Variants in FRYL observed in about 807,000 individuals in gnomAD.
FRYL encodes the protein protein furry homolog-like.
FRYL carries 150 observed loss-of-function variants against 351.2 expected under a neutral mutation model. The observed-to-expected ratio is 0.43, with a 90% CI of 0.37 to 0.49. The LOEUF is 0.49. FRYL is among the 20% of genes least tolerant of loss of function. The pLI, the probability that FRYL is intolerant of heterozygous loss-of-function variation, is 0.00. For missense variants in FRYL, 3,036 were observed against 3,619.3 expected (o/e 0.84, Z 4.13); for synonymous variants, 1,153 against 1,257.1 (o/e 0.92, Z 1.75).
chr4:48,589,754 T>A lies in FRYL; in HGVS notation c.1631A>T (p.Asp544Val). The change falls in exon 18 of 64, where the codon GAC (aspartate) becomes GTC (valine). Residue 544 changes from aspartate to valine, a missense_variant. This residue lies in a region of FRYL where 78 missense variants were observed against 106.6 expected (regional missense o/e 0.73). Transcript: ENST00000358350. ...ATAATTTACTACATACGTAATCATG[T>A]CTTCAGGCTCCTTATTAGACATCTG... ...SVQMSNKEPE[D>V]MITGERKPKI... 6.2e-7 allele frequency: 1 copy of A among 1,612,926 alleles called. No homozygotes were observed. The highest frequency in any genetic ancestry group is 1.1e-5 in the South Asian group (1 of 90,660).
chr4:48,654,308 A>AC (rs1375220125), intron 3 of FRYL, among the ~76,000 whole-genome samples: 4 of 151,498 alleles, frequency 2.6e-5, no homozygotes, highest in South Asian at 2.1e-4. Flanking sequence ...CAAAAAAAAA[A>AC]AAAAAACAAA....
intron 53 of FRYL, among the ~76,000 whole-genome samples, chr4:48,527,019 T>C (rs1476849862): frequency 6.6e-6 from 1 of 152,172 alleles, no homozygotes; most frequent in Non-Finnish European, 1.5e-5. Context: ...GTAGTATATG[T>C]ATATGTACAT....
chr4:48,593,157 A>G (rs532086569), intron 16 of FRYL, among the ~76,000 whole-genome samples: 5 of 151,928 alleles, frequency 3.3e-5, no homozygotes, highest in African/African-American at 7.2e-5. Context: ...TGTTTTTTCT[A>G]TAACACCTAG....
chr4:48,592,082 T>TTATATTTATATATATATATATATATATA (rs1743416801), intron 16 of FRYL, among the ~76,000 whole-genome samples: 1 of 116,178 alleles, frequency 8.6e-6, no homozygotes, highest in Non-Finnish European at 1.7e-5. Flanking sequence ...AATAAAGCTC[T>TTATATTTATATATATATATATATATATA]TATATATATA....
Position 48,523,070 on chromosome 4 carries a change from C to A in FRYL, c.7352G>T (p.Arg2451Leu), listed in dbSNP as rs752324903. ...ESMDNFNWGV[R>L]RRSLDSIDKG... Reference sequence around the variant, plus strand: ...GTCAATACTGTCCAGTGAGCGCCTGCGAACTCCCCAGTTGAAATTGTCCAT... The same window carrying A: ...GTCAATACTGTCCAGTGAGCGCCTGAGAACTCCCCAGTTGAAATTGTCCAT... The change falls in exon 54 of 64, where the codon CGC becomes CTC. Residue 2451 changes from arginine to leucine, a missense_variant. Transcript: ENST00000358350. 11 of 1,613,648 alleles carry A rather than the reference C, an allele frequency of 6.8e-6. No homozygotes were observed. Among genetic ancestry groups the A allele is most frequent in the Non-Finnish European group, 9.3e-6 (11 of 1,179,836 alleles).
chr4:48,753,258 A>G (rs1446232853), intron 1 of FRYL, among the ~76,000 whole-genome samples: 1 of 152,212 alleles, frequency 6.6e-6, no homozygotes. Flanking sequence ...CAATATAAAA[A>G]TAAAGCACCA....
At chr4:48,529,784 C>T (rs1277572069) in intron 50 of FRYL, among the ~76,000 whole-genome samples, 1 of 152,172 alleles carries the variant, frequency 6.6e-6, no homozygotes, top group Non-Finnish European at 1.5e-5. Context: ...GGCACCAAGG[C>T]ACCAAGAGTG....
At chr4:48,768,361 G>A (rs544025095) in intron 1 of FRYL, among the ~76,000 whole-genome samples, 1 of 152,294 alleles carries the variant, frequency 6.6e-6, no homozygotes, top group South Asian at 2.1e-4. Flanking sequence ...TCGTAGCACT[G>A]GCAGTTGCTC....
Position 48,557,421 on chromosome 4 carries a change from T to G in FRYL, c.4125+32A>C, listed in dbSNP as rs755419567. On this transcript the variant is annotated intron_variant, in intron 34 of 63. Transcript: ENST00000358350. ...CACATCTACTCACTCAATAATTCTG[T>G]GCAGCAATTATAAATACAAAACTCA... The G allele has an allele frequency of 3.1e-6, 5 of 1,610,390 alleles. 1 individual carries two copies. The South Asian group carries it at 4.4e-5, about 14-fold the overall frequency.
intron 53 of FRYL, among the ~76,000 whole-genome samples, chr4:48,524,123 A>AT (rs921289219): frequency 1.5e-4 from 22 of 147,288 alleles, no homozygotes; most frequent in South Asian, 6.5e-4. Context: ...CCAAAATATG[A>AT]TTTTTTTTTT....
chr4:48,732,480 T>C (rs1454579993), intron 1 of FRYL, among the ~76,000 whole-genome samples: 5 of 152,126 alleles, frequency 3.3e-5, no homozygotes, highest in Non-Finnish European at 5.9e-5. Context: ...TGCACACATA[T>C]GTTTACTGCA....
chr4:48,606,744 C>T, intron 9 of FRYL, 138 bp from the exon 10 acceptor site: 2 of 547,654 alleles, frequency 3.7e-6, no homozygotes, highest in Non-Finnish European at 6.0e-6. Context: ...GCCAGAAAGG[C>T]ACACAGAGGA....
chr4:48,616,684 AC>A (rs781646072), intron 7 of FRYL, among the ~76,000 whole-genome samples: 32 of 152,238 alleles, frequency 2.1e-4, no homozygotes, highest in Non-Finnish European at 3.7e-4. Flanking sequence ...TATTCAAGAT[AC>A]AAATAATTTC....
chr4:48,767,165 G>C (rs1043752371), intron 1 of FRYL, among the ~76,000 whole-genome samples: 1 of 152,032 alleles, frequency 6.6e-6, no homozygotes, highest in African/African-American at 2.4e-5. Context: ...ACAGGTTTCT[G>C]CTTCTGGGTA....
At chr4:48,671,666 T>A (rs6819193) in intron 3 of FRYL, among the ~76,000 whole-genome samples, 4 of 141,846 alleles carry the variant, frequency 2.8e-5, no homozygotes, top group African/African-American at 9.9e-5. Context: ...AAACTCCATC[T>A]CAAAACAAAA....
At chr4:48,715,178 C>T (rs1768629623) in intron 1 of FRYL, among the ~76,000 whole-genome samples, 1 of 151,696 alleles carries the variant, frequency 6.6e-6, no homozygotes, top group Admixed American at 6.6e-5. Flanking sequence ...ACTGAATGGG[C>T]AAAAACTGGA....
chr4:48,551,619 C>T, intron 36 of FRYL, 41 bp from the exon 37 acceptor site: 1 of 1,204,972 alleles, frequency 8.3e-7, no homozygotes, highest in Admixed American at 1.8e-5. Flanking sequence ...ATCTACAAAC[C>T]TGGAATAACC....
chr4:48,601,872 A>G (rs1215550052), intron 13 of FRYL, 148 bp downstream of exon 13: 1 of 499,376 alleles, frequency 2.0e-6, no homozygotes, highest in Non-Finnish European at 3.7e-6. Context: ...GAAGAAATAC[A>G]GTAGGTATAA....
intron 3 of FRYL, among the ~76,000 whole-genome samples, chr4:48,640,658 G>A (rs994164665): frequency 1.3e-5 from 2 of 152,066 alleles, no homozygotes; most frequent in African/African-American, 4.8e-5. Flanking sequence ...TAATAATAAT[G>A]TTTCAATATT....
Sources: gnomAD v4.1 joint callset for allele counts (sites outside exome capture counted in the v4.1 genomes callset) on GRCh38, gnomAD v4.1.1 for gene constraint, gnomAD v4.1.1 regional missense constraint, MANE v1.5 for transcripts, NCBI Gene and HGNC (gene_info 2026-07-23, HGNC 2026-07-21) for gene names.